Variants in SH3GL2 observed in about 807,000 individuals in gnomAD.
SH3GL2 encodes endophilin-A1.
SH3GL2 carries 24 observed loss-of-function variants against 46.0 expected under a neutral mutation model. That is an observed-to-expected ratio of 0.52 (90% CI 0.38 to 0.73). SH3GL2 has a LOEUF of 0.73. SH3GL2 is among the 30% of genes least tolerant of loss of function. SH3GL2 has a pLI of 0.00. For missense variants in SH3GL2, 413 were observed against 424.2 expected (o/e 0.97, Z 0.23); for synonymous variants, 196 against 147.1 (o/e 1.33, Z -2.40).
chr9:17,697,583 A>T (rs1310875175), intron 1 of SH3GL2, among the ~76,000 whole-genome samples: 1 of 152,122 alleles, frequency 6.6e-6, no homozygotes, highest in East Asian at 1.9e-4. Flanking sequence ...TGTGTTCAAA[A>T]TATAACCTGA....
intron 1 of SH3GL2, among the ~76,000 whole-genome samples, chr9:17,624,341 A>G (rs531023799): frequency 6.6e-6 from 1 of 152,276 alleles, no homozygotes; most frequent in South Asian, 2.1e-4. Flanking sequence ...GAGCTACTGT[A>G]AGGTCATATA....
intron 1 of SH3GL2, among the ~76,000 whole-genome samples, chr9:17,743,632 T>C (rs3824375): frequency 0.16 from 23,815 of 149,616 alleles, 2,128 homozygotes; most frequent in Admixed American, 0.26. Context: ...GGATTGATGA[T>C]TTGACCCCGT....
At chr9:17,736,662 C>T (rs899886031) in intron 1 of SH3GL2, among the ~76,000 whole-genome samples, 6 of 152,088 alleles carry the variant, frequency 3.9e-5, no homozygotes, top group African/African-American at 1.2e-4. Flanking sequence ...GTGTGAAATA[C>T]ATGTAGGAAG....
chr9:17,675,024 A>G (rs1400705045), intron 1 of SH3GL2, among the ~76,000 whole-genome samples: 1 of 152,156 alleles, frequency 6.6e-6, no homozygotes, highest in East Asian at 1.9e-4. Context: ...GATGGGAGGA[A>G]TGTGATTGTT....
chr9:17,590,609 A>T (rs146454012), intron 1 of SH3GL2: 2 of 152,196 alleles, frequency 1.3e-5, no homozygotes, highest in African/African-American at 2.4e-5. Context: ...CCTTAAACCC[A>T]GTCCAAATTT....
chr9:17,743,138 T>C (rs553702606), intron 1 of SH3GL2, among the ~76,000 whole-genome samples: 3 of 152,158 alleles, frequency 2.0e-5, no homozygotes, highest in Non-Finnish European at 4.4e-5. Context: ...TTGATCCTTA[T>C]GCATAAAACA....
intron 3 of SH3GL2, among the ~76,000 whole-genome samples, chr9:17,767,104 C>T (rs1017893580): frequency 1.7e-4 from 26 of 152,076 alleles, no homozygotes; most frequent in Admixed American, 6.5e-5. Flanking sequence ...TACAAATTTC[C>T]AAACTGCTTA....
intron 1 of SH3GL2, among the ~76,000 whole-genome samples, chr9:17,594,532 G>T (rs1413468071): frequency 2.0e-5 from 3 of 152,006 alleles, no homozygotes. Flanking sequence ...TAATGCATGT[G>T]GGGCTTAAAA....
chr9:17,586,804 G>A (rs1484289769), intron 1 of SH3GL2, among the ~76,000 whole-genome samples: 1 of 152,200 alleles, frequency 6.6e-6, no homozygotes. Flanking sequence ...GACACATGGG[G>A]ATTGTGGGAA....
rs916047840 is a variant in SH3GL2, at chr9:17,782,286, C to T, written c.188-4095C>T. On this transcript the variant is annotated intron_variant, in intron 3 of 8. Coordinates refer to ENST00000380607, the MANE Select transcript of SH3GL2 (RefSeq NM_003026.5). ...ACTCATGATTTAGCTTGGGAACTCTCTTTTTCGGGGAAAATAAGAGCCTTT... is the reference window on the plus strand; with the variant it reads ...ACTCATGATTTAGCTTGGGAACTCTTTTTTTCGGGGAAAATAAGAGCCTTT... 3.9e-5 allele frequency among the ~76,000 whole-genome samples: 6 copies of T among 152,138 alleles called. 1 individual carries two copies. The highest frequency in any genetic ancestry group is 3.9e-4 in the Admixed American group (6 of 15,260).
intron 1 of SH3GL2, among the ~76,000 whole-genome samples, chr9:17,680,984 G>A (rs1197345598): frequency 1.3e-5 from 2 of 151,982 alleles, no homozygotes; most frequent in African/African-American, 4.8e-5. Flanking sequence ...ATTTTACTGT[G>A]GTCTGACAGA....
chr9:17,677,351 C>G (rs1256140935), intron 1 of SH3GL2, among the ~76,000 whole-genome samples: 1 of 152,072 alleles, frequency 6.6e-6, no homozygotes, highest in Non-Finnish European at 1.5e-5. Context: ...TGATACGGTA[C>G]TCTCACATTG....
chr9:17,744,244 A>C (rs753173817), intron 1 of SH3GL2, among the ~76,000 whole-genome samples: 19 of 152,208 alleles, frequency 1.2e-4, no homozygotes, highest in Non-Finnish European at 2.5e-4. Context: ...AGAGATAGGG[A>C]ATCAGTGTGA....
intron 3 of SH3GL2, among the ~76,000 whole-genome samples, chr9:17,766,699 C>T (rs144173438): frequency 1.8e-3 from 276 of 152,068 alleles, no homozygotes; most frequent in African/African-American, 6.1e-3. Flanking sequence ...CTCTGGATTT[C>T]GGTCTGTATT....
chr9:17,774,073 A>G (rs1823570946), intron 3 of SH3GL2, among the ~76,000 whole-genome samples: 1 of 152,094 alleles, frequency 6.6e-6, no homozygotes, highest in Admixed American at 6.6e-5. Flanking sequence ...AAATGGAATT[A>G]ACCTTTTAAT....
intron 1 of SH3GL2, among the ~76,000 whole-genome samples, chr9:17,671,054 G>C (rs1469528671): frequency 6.6e-6 from 1 of 152,124 alleles, no homozygotes; most frequent in African/African-American, 2.4e-5. Flanking sequence ...GAAGATTGCT[G>C]GGTCTTATGA....
At chr9:17,688,873 G>T (rs1226540518) in intron 1 of SH3GL2, among the ~76,000 whole-genome samples, 1 of 152,046 alleles carries the variant, frequency 6.6e-6, no homozygotes, top group Non-Finnish European at 1.5e-5. Context: ...CATACTTCCT[G>T]TGCAGAGGAA....
At chr9:17,720,900 G>A (rs897809164) in intron 1 of SH3GL2, among the ~76,000 whole-genome samples, 1 of 152,076 alleles carries the variant, frequency 6.6e-6, no homozygotes, top group Non-Finnish European at 1.5e-5. Context: ...TTGCTGCAGT[G>A]GTCACTACAG....
chr9:17,675,247 G>C (rs1337253380), intron 1 of SH3GL2, among the ~76,000 whole-genome samples: 2 of 152,082 alleles, frequency 1.3e-5, no homozygotes, highest in Non-Finnish European at 2.9e-5. Context: ...ATCTCTCATA[G>C]CACATACCAG....
Sources: allele counts gnomAD v4.1 joint callset (sites outside exome capture counted in the v4.1 genomes callset), GRCh38; gene constraint gnomAD v4.1.1; transcripts MANE v1.5; gene names NCBI Gene and HGNC (gene_info 2026-07-23, HGNC 2026-07-21).